Variants in PAGE2B observed in about 807,000 individuals in gnomAD.
PAGE2B encodes the protein PAGE family member 2B.
In PAGE2B, 5 loss-of-function variants were observed where a neutral mutation model predicts 7.6. That is an observed-to-expected ratio of 0.66 (90% CI 0.34 to 1.38). The LOEUF (loss-of-function observed/expected upper bound fraction) is 1.38. Ranked by LOEUF, PAGE2B falls within the 40% of genes most tolerant of loss-of-function variation. The probability of loss-of-function intolerance (pLI) is 0.04; values close to 1 mark genes in which losing one functional copy is unlikely to be tolerated. For synonymous variants in PAGE2B, 29 were observed against 26.7 expected (o/e 1.09, Z -0.27); for missense variants, 70 against 78.4 (o/e 0.89, Z 0.41).
At chrX:55,046,544 C>T in the PAGE2B span, among the ~76,000 whole-genome samples, 4 of 111,977 alleles carry the variant, frequency 3.6e-5, no homozygotes, top group African/African-American at 1.3e-4. Flanking sequence ...TAATTCTAGC[C>T]AGAGAAAAGA....
At chrX:55,074,101 A>C (rs1379190122), upstream of PAGE2B, among the ~76,000 whole-genome samples, 3 of 112,259 alleles carry the variant, frequency 2.7e-5, no homozygotes, top group Admixed American at 2.8e-4. Flanking sequence ...ATATGAAGCA[A>C]ATAACACAGT....
At chrX:55,031,172 C>A in the PAGE2B span, 9 of 193,033 alleles carry the variant, frequency 4.7e-5, no homozygotes, top group Non-Finnish European at 3.0e-5. Flanking sequence ...ATTTTCTTCT[C>A]TCTATAGGAC....
chrX:55,059,613 T>A, the PAGE2B span, among the ~76,000 whole-genome samples: 1 of 111,975 alleles, frequency 8.9e-6, no homozygotes, highest in African/African-American at 3.2e-5. Flanking sequence ...TAATATCTAT[T>A]GCAGTAAGAA....
At chrX:55,051,844 G>C in the PAGE2B span, among the ~76,000 whole-genome samples, 12 of 112,139 alleles carry the variant, frequency 1.1e-4, 1 homozygote, top group South Asian at 4.1e-3. Flanking sequence ...TTGTTCCATT[G>C]CTGGTGATGA....
At chrX:55,039,243 A>G in the PAGE2B span, among the ~76,000 whole-genome samples, 3 of 111,000 alleles carry the variant, frequency 2.7e-5, no homozygotes, top group Non-Finnish European at 5.7e-5. Context: ...TGGCTTCTTG[A>G]CTCTGTTTTA....
chrX:55,065,752 C>T, the PAGE2B span, among the ~76,000 whole-genome samples: 1 of 111,699 alleles, frequency 9.0e-6, no homozygotes, highest in Non-Finnish European at 1.9e-5. Context: ...TTTGCAAATA[C>T]TATCTTATAA....
the PAGE2B span, among the ~76,000 whole-genome samples, chrX:55,046,928 G>T: frequency 9.1e-6 from 1 of 109,337 alleles, no homozygotes; most frequent in African/African-American, 3.5e-5. Flanking sequence ...CTTTTGCAGA[G>T]ATTCACTTTT....
chrX:55,073,923 C>T (rs1387692760), upstream of PAGE2B, among the ~76,000 whole-genome samples: 6 of 111,525 alleles, frequency 5.4e-5, no homozygotes, highest in African/African-American at 2.0e-4. Context: ...GATCAAGGAG[C>T]TTTTGGGCAG....
chrX:55,052,173 TTG>T, the PAGE2B span, among the ~76,000 whole-genome samples: 493 of 111,688 alleles, frequency 4.4e-3, 1 homozygote, highest in Non-Finnish European at 7.8e-3. Context: ...TCTGAAAGTT[TTG>T]TGTCAGAGGA....
chrX:55,037,106 G>A, the PAGE2B span, among the ~76,000 whole-genome samples: 15 of 111,568 alleles, frequency 1.3e-4, no homozygotes, highest in Admixed American at 5.7e-4. Context: ...CCATCAGGGC[G>A]AACAGGCAAC....
the PAGE2B span, among the ~76,000 whole-genome samples, chrX:55,038,180 A>G: frequency 1.4e-4 from 16 of 111,211 alleles, no homozygotes; most frequent in Non-Finnish European, 2.6e-4. Context: ...GGAAAGAAAA[A>G]AGCTTATCCA....
the PAGE2B span, among the ~76,000 whole-genome samples, chrX:55,028,928 C>T: frequency 3.6e-5 from 4 of 111,690 alleles, no homozygotes; most frequent in Admixed American, 9.5e-5. Context: ...TTAGAAAAGT[C>T]ACTTCCCTGC....
chrX:55,072,910 CT>C (rs1487842161), upstream of PAGE2B, among the ~76,000 whole-genome samples: 3 of 111,525 alleles, frequency 2.7e-5, no homozygotes, highest in East Asian at 2.8e-4. Context: ...GTGGATGCCC[CT>C]CCTCCCACCA....
chrX:55,057,342 C>G, the PAGE2B span, among the ~76,000 whole-genome samples: 6 of 111,953 alleles, frequency 5.4e-5, no homozygotes, highest in Non-Finnish European at 1.1e-4. Context: ...AAATGCAAGA[C>G]TGTATGGAGG....
At chrX:55,069,178 C>T in the PAGE2B span, among the ~76,000 whole-genome samples, 1 of 111,572 alleles carries the variant, frequency 9.0e-6, no homozygotes, top group Admixed American at 9.6e-5. Flanking sequence ...TGTAGGTTTG[C>T]CATGAACACC....
At chrX:55,039,377 C>G in the PAGE2B span, among the ~76,000 whole-genome samples, 2 of 110,351 alleles carry the variant, frequency 1.8e-5, no homozygotes, top group Non-Finnish European at 3.8e-5. Context: ...GTCAAAATAG[C>G]CAAAAGGTGG....
At chrX:55,040,007 C>A in the PAGE2B span, among the ~76,000 whole-genome samples, 1 of 109,526 alleles carries the variant, frequency 9.1e-6, no homozygotes, top group African/African-American at 3.3e-5. Flanking sequence ...AAACAAAACA[C>A]CACTACTGTC....
chrX:55,033,381 G>A, the PAGE2B span, among the ~76,000 whole-genome samples: 1 of 111,539 alleles, frequency 9.0e-6, no homozygotes, highest in African/African-American at 3.3e-5. Flanking sequence ...GAGCCCGTGA[G>A]TGTAGGTGGC....
At chrX:55,067,961 T>TTGTCAGA in the PAGE2B span, among the ~76,000 whole-genome samples, 1 of 112,477 alleles carries the variant, frequency 8.9e-6, no homozygotes, top group Non-Finnish European at 1.9e-5. Context: ...TATTAGCCCT[T>TTGTCAGA]TGTCAGATGG....
Sources: gnomAD v4.1 joint callset for allele counts (sites outside exome capture counted in the v4.1 genomes callset) on GRCh38, gnomAD v4.1.1 for gene constraint, MANE v1.5 for transcripts, NCBI Gene and HGNC (gene_info 2026-07-23, HGNC 2026-07-21) for gene names.